CDH13: variants seen among roughly 807,000 people sequenced by gnomAD.
CDH13 encodes cadherin-13.
A neutral mutation model predicts 63.8 loss-of-function variants in CDH13; 24 were observed. That is an observed-to-expected ratio of 0.38 (90% CI 0.27 to 0.53). The LOEUF (loss-of-function observed/expected upper bound fraction) is 0.53. Among genes scored for constraint, CDH13 ranks in the 20% least tolerant of loss-of-function variants. CDH13 has a pLI of 0.85. For synonymous variants in CDH13, 503 were observed against 355.3 expected (o/e 1.42, Z -4.67); for missense variants, 1,049 against 903.1 (o/e 1.16, Z -2.07).
At chr16:83,296,588 C>G (rs1181944505) in intron 5 of CDH13, among the ~76,000 whole-genome samples, 2 of 152,018 alleles carry the variant, frequency 1.3e-5, no homozygotes, top group African/African-American at 4.8e-5. Flanking sequence ...CTGCATGTAC[C>G]CTTGTGGCTA....
intron 6 of CDH13, among the ~76,000 whole-genome samples, chr16:83,457,201 C>T (rs2030101455): frequency 6.6e-6 from 1 of 152,190 alleles, no homozygotes; most frequent in Non-Finnish European, 1.5e-5. Context: ...GTAATAAGAG[C>T]ACTGACACCT....
chr16:82,679,807 A>G (rs1914346482), intron 1 of CDH13, among the ~76,000 whole-genome samples: 1 of 152,232 alleles, frequency 6.6e-6, no homozygotes, highest in African/African-American at 2.4e-5. Context: ...GTTTGAACAG[A>G]TTTCAAAAAT....
At chr16:83,237,135 C>A (rs2040169243) in intron 5 of CDH13, among the ~76,000 whole-genome samples, 1 of 152,234 alleles carries the variant, frequency 6.6e-6, no homozygotes, top group East Asian at 1.9e-4. Flanking sequence ...TAGATGAAAA[C>A]AATTTTAGGA....
chr16:82,819,918 G>A (rs186545140), intron 1 of CDH13, among the ~76,000 whole-genome samples: 45 of 152,296 alleles, frequency 3.0e-4, no homozygotes, highest in African/African-American at 1.1e-3. Context: ...AGCCGAATGA[G>A]GGCTAGATGG....
intron 3 of CDH13, among the ~76,000 whole-genome samples, chr16:83,110,364 A>C (rs9933033): frequency 0.1 from 15,282 of 152,246 alleles, 886 homozygotes; most frequent in African/African-American, 0.15. Context: ...GGTTTTGGTC[A>C]CTTGGTAGGT....
intron 4 of CDH13, among the ~76,000 whole-genome samples, chr16:83,204,834 T>C (rs939719754): frequency 2.6e-5 from 4 of 152,234 alleles, no homozygotes; most frequent in Admixed American, 6.5e-5. Flanking sequence ...ATGAAGTCAC[T>C]ACAATTTGGA....
rs558919999 is a variant in CDH13 at position 83,311,904 on chromosome 16, G to A, written c.637-32958G>A. 7.2e-5 allele frequency among the ~76,000 whole-genome samples: 11 copies of A among 152,000 alleles called. No individual in the cohort carries two copies. The South Asian group carries it at 1.7e-3, about 23-fold the overall frequency. The stretch of plus-strand genomic sequence containing the variant: ...AACCTGACCAAAATGGAGAAACCCC[G>A]TCTCTACTGAAAATACAAAATTAGC... On this transcript the variant is annotated intron_variant, in intron 5 of 13. Transcript: ENST00000567109.
intron 1 of CDH13, chr16:82,829,391 A>C (rs1197325221): frequency 6.6e-6 from 1 of 152,050 alleles, no homozygotes; most frequent in African/African-American, 2.4e-5. Context: ...ATTGACTGTT[A>C]TATACTCTTG....
At chr16:82,897,019 G>GA (rs1458730348) in intron 2 of CDH13, among the ~76,000 whole-genome samples, 1 of 96,506 alleles carries the variant, frequency 1.0e-5, no homozygotes, top group Non-Finnish European at 2.4e-5. Flanking sequence ...CTGACCTCGT[G>GA]ATTTCCTGCC....
In CDH13 at chr16:82,883,378, G is replaced by T. The variant is rs143919293; in HGVS notation, c.157+24905G>T. On this transcript the variant is annotated intron_variant, in intron 2 of 13. Coordinates refer to ENST00000567109, the MANE Select transcript of CDH13 (RefSeq NM_001257.5). The stretch of plus-strand genomic sequence containing the variant: ...TGTTGTAGGCAAAGCTCTCACACTT[G>T]AGTGTCTATCAGAGTCACCTGGGGG... 3.7e-4 allele frequency among the ~76,000 whole-genome samples: 57 copies of T among 152,326 alleles called. 1 individual carries two copies. The highest frequency in any genetic ancestry group is 6.8e-3 in the Middle Eastern group (2 of 294).
intron 5 of CDH13, among the ~76,000 whole-genome samples, chr16:83,331,624 A>T (rs182024076): frequency 6.6e-6 from 1 of 152,360 alleles, no homozygotes; most frequent in African/African-American, 2.4e-5. Context: ...AAAGTATAGC[A>T]AAGCAAAGAA....
intron 2 of CDH13, among the ~76,000 whole-genome samples, chr16:82,946,716 G>C (rs1355010166): frequency 1.8e-5 from 2 of 113,030 alleles, no homozygotes; most frequent in African/African-American, 7.4e-5. Flanking sequence ...ATGAAACTCT[G>C]TCTCAAAAAA....
At chr16:83,023,793 G>C (rs1439099543) in intron 2 of CDH13, among the ~76,000 whole-genome samples, 1 of 152,186 alleles carries the variant, frequency 6.6e-6, no homozygotes, top group Non-Finnish European at 1.5e-5. Context: ...GTCATCACAT[G>C]CACCCTTTAA....
chr16:82,826,373 G>A lies in CDH13; in HGVS notation c.46-31989G>A, dbSNP rs562723292. 9 of 152,300 alleles carry A rather than the reference G, an allele frequency of 5.9e-5. No homozygotes were observed. The South Asian group carries it at 1.9e-3, about 32-fold the overall frequency. The allele number at this position is 152,300 out of a possible 1,614,324, so 9.4% of individuals were successfully genotyped here. ...TAATTTTTATAATGAGTAGGGATGA[G>A]TGCATGAAATGGTTGTGTGTTTTTT... On this transcript the variant is annotated intron_variant, in intron 1 of 13. Transcript: ENST00000567109.
chr16:83,276,889 C>T (rs923790006), intron 5 of CDH13, among the ~76,000 whole-genome samples: 23 of 152,062 alleles, frequency 1.5e-4, no homozygotes, highest in Non-Finnish European at 3.1e-4. Flanking sequence ...CAAACAAAAG[C>T]ATGTCACATC....
At position 83,050,860 on chromosome 16, in the gene CDH13, C is replaced by T. The variant is rs115028347; in HGVS notation, c.366+18642C>T. Among the ~76,000 whole-genome samples, 92 of 152,222 alleles carry T rather than the reference C, an allele frequency of 6.0e-4. 1 individual carries two copies. The highest frequency in any genetic ancestry group is 2.0e-3 in the African/African-American group (83 of 41,552). Reference sequence around the variant, plus strand: ...GCACGGTTTCTTGCAGTGCCATCCTCGTCTTCCCATGCACCTGAACCCACC... The same window carrying T: ...GCACGGTTTCTTGCAGTGCCATCCTTGTCTTCCCATGCACCTGAACCCACC... On this transcript the variant is annotated intron_variant, in intron 3 of 13. Coordinates refer to ENST00000567109, the MANE Select transcript of CDH13 (RefSeq NM_001257.5).
At chr16:83,481,953 C>A (rs2073776356) in intron 6 of CDH13, among the ~76,000 whole-genome samples, 1 of 152,130 alleles carries the variant, frequency 6.6e-6, no homozygotes, top group African/African-American at 2.4e-5. Flanking sequence ...AGAGGAGAGG[C>A]ACAGGCATCA....
intron 4 of CDH13, among the ~76,000 whole-genome samples, chr16:83,144,265 G>C (rs1597410625): frequency 6.6e-6 from 1 of 152,130 alleles, no homozygotes; most frequent in Non-Finnish European, 1.5e-5. Context: ...GGCACCTTTT[G>C]TTCCTGCGGT....
At chr16:82,746,115 C>T (rs531241226) in intron 1 of CDH13, among the ~76,000 whole-genome samples, 44 of 151,702 alleles carry the variant, frequency 2.9e-4, no homozygotes, top group African/African-American at 9.9e-4. Flanking sequence ...TATATACATA[C>T]ATTTTATATA....
Sources: allele counts gnomAD v4.1 joint callset (sites outside exome capture counted in the v4.1 genomes callset), GRCh38; gene constraint gnomAD v4.1.1; transcripts MANE v1.5; gene names NCBI Gene and HGNC (gene_info 2026-07-23, HGNC 2026-07-21).